MACROH2A2: variants seen among roughly 807,000 people sequenced by gnomAD.
The protein encoded by MACROH2A2 is core histone macro-H2A.2.
In MACROH2A2, 6 loss-of-function variants were observed where a neutral mutation model predicts 37.6. The observed-to-expected ratio is 0.16, with a 90% CI of 0.09 to 0.32. The LOEUF (loss-of-function observed/expected upper bound fraction) is 0.32. Among genes scored for constraint, MACROH2A2 ranks in the 10% least tolerant of loss-of-function variants. MACROH2A2 has a pLI of 1.00. For synonymous variants in MACROH2A2, 192 were observed against 202.7 expected (o/e 0.95, Z 0.45); for missense variants, 290 against 485.9 (o/e 0.60, Z 3.79).
chr10:70,100,325 C>T (rs1406837812), intron 7 of MACROH2A2, 28 bp downstream of exon 7: 1 of 1,271,780 alleles, frequency 7.9e-7, no homozygotes. Context: ...CTCCTGTCAC[C>T]AGCATGGCCT....
At chr10:70,079,365 C>T (rs1172040728) in intron 2 of MACROH2A2, among the ~76,000 whole-genome samples, 1 of 149,122 alleles carries the variant, frequency 6.7e-6, no homozygotes, top group Admixed American at 6.7e-5. Flanking sequence ...ACTGGGGGGG[C>T]GGGTGAACTA....
chr10:70,063,060 C>T (rs1196333414), intron 1 of MACROH2A2, among the ~76,000 whole-genome samples: 12 of 151,904 alleles, frequency 7.9e-5, no homozygotes, highest in African/African-American at 2.7e-4. Context: ...GCCCACCTTG[C>T]TGGCTGGCAG....
intron 1 of MACROH2A2, among the ~76,000 whole-genome samples, chr10:70,063,231 TC>T (rs1433391530): frequency 1.2e-4 from 18 of 152,252 alleles, no homozygotes; most frequent in African/African-American, 3.6e-4. Flanking sequence ...GACTATTTTG[TC>T]TTTTGATGAA....
intron 2 of MACROH2A2, among the ~76,000 whole-genome samples, chr10:70,080,537 ACCAGC>A (rs2072170045): frequency 6.6e-6 from 1 of 152,078 alleles, no homozygotes; most frequent in Non-Finnish European, 1.5e-5. Context: ...GGAGTTCCAG[ACCAGC>A]TTGGGCAAGA....
rs142798453 is a variant in MACROH2A2 at position 70,071,895 on chromosome 10, G to C, written c.-59-3705G>C. On this transcript the variant is annotated intron_variant, in intron 1 of 8. Coordinates refer to ENST00000373255, the MANE Select transcript of MACROH2A2 (RefSeq NM_018649.3). The stretch of plus-strand genomic sequence containing the variant: ...CTCTGGGTGAGTGAGTGAGTGGTGA[G>C]TGAATGTGAAGGCCCGGGACATTAT... Among the ~76,000 whole-genome samples the C allele has an allele frequency of 1.5e-3, 227 of 152,312 alleles. 1 individual carries two copies. The highest frequency in any genetic ancestry group is 5.1e-3 in the African/African-American group (214 of 41,558).
At chr10:70,062,324 A>T (rs1394769360) in intron 1 of MACROH2A2, among the ~76,000 whole-genome samples, 1 of 152,234 alleles carries the variant, frequency 6.6e-6, no homozygotes, top group Non-Finnish European at 1.5e-5. Context: ...TTTGCAATAT[A>T]AAATATTCTG....
chr10:70,095,882 G>A, intron 6 of MACROH2A2, 129 bp downstream of exon 6: 2 of 563,494 alleles, frequency 3.5e-6, no homozygotes, highest in Non-Finnish European at 6.4e-6. Flanking sequence ...GTCTTTATGT[G>A]TAGTTGAACA....
At chr10:70,105,397 G>A (rs1054265030) in intron 7 of MACROH2A2, among the ~76,000 whole-genome samples, 4 of 152,206 alleles carry the variant, frequency 2.6e-5, no homozygotes, top group Admixed American at 6.5e-5. Context: ...GCAGAGGCCC[G>A]GAGAGAATGG....
At chr10:70,084,632 G>T (rs2072200187) in intron 2 of MACROH2A2, among the ~76,000 whole-genome samples, 1 of 152,092 alleles carries the variant, frequency 6.6e-6, no homozygotes, top group Non-Finnish European at 1.5e-5. Context: ...GGCAGGGTAA[G>T]TTTTTGTTGC....
In MACROH2A2 at chr10:70,107,145, C is replaced by G. The variant is rs1462972827; in HGVS notation, c.779-1888C>G. ...CTCGGTGTATTGTGTGGCCTGGGTC[C>G]TGCACTCAGGCGTTCACGTGTGATG... On this transcript the variant is annotated intron_variant, in intron 7 of 8. Transcript: ENST00000373255. This position sits in a 1 kb window ranked among gnomAD's most constrained non-coding sequence, Gnocchi z 4.4. Among the ~76,000 whole-genome samples, 1 of 152,180 alleles carries G rather than the reference C, an allele frequency of 6.6e-6. No individual in the cohort carries two copies. Among genetic ancestry groups the G allele is most frequent in the Admixed American group, 6.5e-5 (1 of 15,284 alleles).
At position 70,053,976 on chromosome 10, in the gene MACROH2A2, C is replaced by T. The variant is rs2071994405; in HGVS notation, c.-60+976C>T. 6.6e-6 allele frequency among the ~76,000 whole-genome samples: 1 copy of T among 152,208 alleles called. No individual in the cohort carries two copies. The highest frequency in any genetic ancestry group is 1.5e-5 in the Non-Finnish European group (1 of 68,026). On this transcript the variant is annotated intron_variant, in intron 1 of 8. Transcript: ENST00000373255. The surrounding 1 kb of genome is among the most constrained non-coding windows in gnomAD (Gnocchi z 4.8). Reference sequence around the variant, plus strand: ...CCTGCCTCCCCCGGCTCCCAGCCTCCAGCCCCGGCGCACCTCAGCCCCAGC... The same window carrying T: ...CCTGCCTCCCCCGGCTCCCAGCCTCTAGCCCCGGCGCACCTCAGCCCCAGC...
Position 70,111,530 on chromosome 10 carries a change from C to T in MACROH2A2, c.966C>T (p.Pro322=). Residue 322 remains proline (P), a synonymous_variant, in exon 9 of 9, where the codon CCC becomes CCT. Transcript: ENST00000373255. Reference sequence around the variant, plus strand: ...TGCTTTGGCACAGAAACTGCTTTCCCAAACAGACTGCGGCCCAGGTGACCC... The same window carrying T: ...TGCTTTGGCACAGAAACTGCTTTCCTAAACAGACTGCGGCCCAGGTGACCC... The part of the protein sequence containing the change: ...PPFPSGRNCF[P]KQTAAQVTLK... 1.2e-6 allele frequency: 2 copies of T among 1,613,166 alleles called. No homozygotes were observed. The highest frequency in any genetic ancestry group is 1.7e-6 in the Non-Finnish European group (2 of 1,179,698).
intron 1 of MACROH2A2, among the ~76,000 whole-genome samples, chr10:70,060,458 G>A (rs908924967): frequency 6.6e-6 from 1 of 152,126 alleles, no homozygotes; most frequent in Admixed American, 6.5e-5. Context: ...AGGAAGAGGG[G>A]TTCCAGAGCA....
chr10:70,089,023 G>C (rs1268756001), intron 2 of MACROH2A2, among the ~76,000 whole-genome samples: 1 of 152,194 alleles, frequency 6.6e-6, no homozygotes, highest in Non-Finnish European at 1.5e-5. Flanking sequence ...AGAATTGCTT[G>C]AACCCAGGAG....
At chr10:70,078,652 A>G (rs1187163018) in intron 2 of MACROH2A2, among the ~76,000 whole-genome samples, 1 of 152,218 alleles carries the variant, frequency 6.6e-6, no homozygotes, top group Non-Finnish European at 1.5e-5. Flanking sequence ...AATAAATGCT[A>G]ATTCTTCTCC....
At chr10:70,108,251 A>G (rs565727339) in intron 7 of MACROH2A2, among the ~76,000 whole-genome samples, 1 of 152,240 alleles carries the variant, frequency 6.6e-6, no homozygotes, top group Non-Finnish European at 1.5e-5. Context: ...AAGCCACTGT[A>G]TTCATTTCCT....
At chr10:70,098,441 T>A (rs2072288276) in intron 6 of MACROH2A2, 1 of 152,020 alleles carries the variant, frequency 6.6e-6, no homozygotes, top group Admixed American at 6.5e-5. Context: ...AAAATTTGTT[T>A]ATTTGATTTC....
rs899800361 is a variant in MACROH2A2, at chr10:70,090,169, A to T, written c.279+3A>T. ...CCAATGACGAGGAGCTCAACCAGGT[A>T]TGTCTGAAGCCTTGAGGGAAGCCGT... On this transcript the variant is annotated splice_donor_region_variant and intron_variant, in intron 3 of 8. Coordinates refer to ENST00000373255, the MANE Select transcript of MACROH2A2 (RefSeq NM_018649.3). 6.3e-7 allele frequency: 1 copy of T among 1,593,732 alleles called. No individual in the cohort carries two copies. The highest frequency in any genetic ancestry group is 8.6e-7 in the Non-Finnish European group (1 of 1,161,346).
chr10:70,087,021 T>C lies in MACROH2A2; in HGVS notation c.173-3039T>C, dbSNP rs376878726. On this transcript the variant is annotated intron_variant, in intron 2 of 8. Coordinates refer to ENST00000373255, the MANE Select transcript of MACROH2A2 (RefSeq NM_018649.3). ...GCCTGGACAACAAAGTAAAACCCTG[T>C]CTCTACAAAAAAATTAAAAATTAGC... Among the ~76,000 whole-genome samples the C allele has an allele frequency of 1.4e-4, 21 of 152,070 alleles. No homozygotes were observed. The East Asian group carries it at 3.1e-3, about 23-fold the overall frequency.
Sources: gnomAD v4.1 joint callset for allele counts (sites outside exome capture counted in the v4.1 genomes callset) on GRCh38, gnomAD v4.1.1 for gene constraint, Gnocchi (gnomAD v3.1) non-coding constraint, MANE v1.5 for transcripts, NCBI Gene and HGNC (gene_info 2026-07-23, HGNC 2026-07-21) for gene names.